The following PPM1L variants were observed in gnomAD, a reference collection of about 807,000 sequenced individuals.
PPM1L encodes protein phosphatase 1L.
PPM1L carries 13 observed loss-of-function variants against 31.4 expected under a neutral mutation model. The observed-to-expected ratio is 0.41, with a 90% confidence interval of 0.27 to 0.66. The LOEUF (loss-of-function observed/expected upper bound fraction) is 0.66. Ranked by LOEUF, PPM1L falls within the 30% of genes least tolerant of loss-of-function variation. PPM1L has a pLI of 0.29. For synonymous variants in PPM1L, 184 were observed against 175.4 expected, an observed-to-expected ratio of 1.05 and a Z score of -0.39; for missense variants, 326 against 453.7, an observed-to-expected ratio of 0.72 and a Z score of 2.56.
chr3:160,881,892 A>G (rs890200417), intron 1 of PPM1L, among the ~76,000 whole-genome samples: 1 of 152,154 alleles, frequency 6.6e-6, no homozygotes, highest in African/African-American at 2.4e-5. Flanking sequence ...TCTACTAAAA[A>G]TACAAAAAAT....
At chr3:160,967,603 C>T (rs1716198075) in intron 2 of PPM1L, among the ~76,000 whole-genome samples, 1 of 152,036 alleles carries the variant, frequency 6.6e-6, no homozygotes, top group African/African-American at 2.4e-5. Flanking sequence ...ATAATACCAT[C>T]ACCATGAGGA....
At chr3:161,000,584 T>C (rs187595266) in intron 2 of PPM1L, among the ~76,000 whole-genome samples, 130 of 152,332 alleles carry the variant, frequency 8.5e-4, no homozygotes, top group Non-Finnish European at 1.6e-3. Flanking sequence ...AAAAAAGTTA[T>C]TAGAGACCTT....
chr3:160,965,435 A>G (rs985888141), intron 2 of PPM1L, among the ~76,000 whole-genome samples: 12 of 152,142 alleles, frequency 7.9e-5, no homozygotes, highest in African/African-American at 2.4e-4. Flanking sequence ...CATTTTCAGT[A>G]TAGTATTCAC....
At chr3:161,000,019 T>C (rs190381494) in intron 2 of PPM1L, among the ~76,000 whole-genome samples, 360 of 152,338 alleles carry the variant, frequency 2.4e-3, no homozygotes, top group African/African-American at 8.4e-3. Context: ...GCTGGAATTG[T>C]CATGTTCACC....
intron 2 of PPM1L, among the ~76,000 whole-genome samples, chr3:161,050,129 C>A (rs894882888): frequency 2.0e-5 from 3 of 152,206 alleles, no homozygotes; most frequent in African/African-American, 2.4e-5. Flanking sequence ...GTTCCCTGTT[C>A]CTTCTGATAC....
rs1308927339 is a variant in PPM1L at position 160,790,521 on chromosome 3, TGGGG to T, written c.399+33816_399+33819del. On this transcript the variant is annotated intron_variant, in intron 1 of 3. Transcript: ENST00000498165. ...AGGGAGATGAACACCTTTTTTATAC[TGGGG>T]GCTCTACTAATAGAGAGAGTCATAT... Among the ~76,000 whole-genome samples, 5 of 152,000 alleles carry T rather than the reference TGGGG, an allele frequency of 3.3e-5. No individual in the cohort carries two copies. In the South Asian group the frequency reaches 1.0e-3, roughly 31 times the overall value.
At chr3:160,953,250 A>T (rs1715630408) in intron 1 of PPM1L, among the ~76,000 whole-genome samples, 1 of 152,296 alleles carries the variant, frequency 6.6e-6, no homozygotes. Context: ...TTGAGTATAG[A>T]GGCACTTTCT....
intron 1 of PPM1L, among the ~76,000 whole-genome samples, chr3:160,837,302 G>T (rs1213490312): frequency 6.6e-6 from 1 of 152,124 alleles, no homozygotes; most frequent in Non-Finnish European, 1.5e-5. Context: ...AATGGTAAGA[G>T]AAGGGAGTAA....
At chr3:160,833,193 A>C (rs1713573317) in intron 1 of PPM1L, among the ~76,000 whole-genome samples, 1 of 152,162 alleles carries the variant, frequency 6.6e-6, no homozygotes, top group Non-Finnish European at 1.5e-5. Context: ...CGTTGATTGC[A>C]TGTCTTTGCT....
intron 2 of PPM1L, among the ~76,000 whole-genome samples, chr3:160,989,080 A>T (rs1247692895): frequency 6.6e-6 from 1 of 152,228 alleles, no homozygotes; most frequent in Non-Finnish European, 1.5e-5. Context: ...AATAGAAACA[A>T]ATAAGACAAT....
At chr3:160,816,261 TTGTGTGTGTGTG>T (rs71147385) in intron 1 of PPM1L, among the ~76,000 whole-genome samples, 3 of 147,980 alleles carry the variant, frequency 2.0e-5, no homozygotes, top group South Asian at 2.1e-4. Flanking sequence ...GCAGTTTCAT[TTGTGTGTGTGTG>T]TGTGTGTGTG....
At chr3:160,899,230 C>G (rs1285629402) in intron 1 of PPM1L, among the ~76,000 whole-genome samples, 1 of 152,126 alleles carries the variant, frequency 6.6e-6, no homozygotes, top group Non-Finnish European at 1.5e-5. Context: ...AACCTATGCT[C>G]TTACGATTAG....
chr3:160,803,329 A>G (rs1206575286), intron 1 of PPM1L, among the ~76,000 whole-genome samples: 2 of 152,220 alleles, frequency 1.3e-5, no homozygotes, highest in African/African-American at 2.4e-5. Context: ...ATTTTCTCTG[A>G]ATAATAACCT....
intron 2 of PPM1L, among the ~76,000 whole-genome samples, chr3:161,015,373 A>G (rs2061580): frequency 0.22 from 33,479 of 152,084 alleles, 3,995 homozygotes; most frequent in South Asian, 0.3. Flanking sequence ...AAACAAAACA[A>G]TTTGTCAAAT....
chr3:161,025,218 G>A (rs1718344604), intron 2 of PPM1L, among the ~76,000 whole-genome samples: 1 of 152,004 alleles, frequency 6.6e-6, no homozygotes, highest in Admixed American at 6.6e-5. Context: ...CCTTTAAGAG[G>A]TGATTAGGCC....
chr3:160,936,882 A>C (rs1030812479), intron 1 of PPM1L, among the ~76,000 whole-genome samples: 18 of 152,202 alleles, frequency 1.2e-4, no homozygotes, highest in African/African-American at 4.1e-4. Context: ...TGATATAATA[A>C]TTCTAAAAGT....
chr3:160,909,329 A>G (rs1234749209), intron 1 of PPM1L, among the ~76,000 whole-genome samples: 2 of 152,136 alleles, frequency 1.3e-5, no homozygotes, highest in Non-Finnish European at 2.9e-5. Context: ...CTGATAATAG[A>G]CTTGGGGGTT....
At chr3:160,887,061 C>T (rs6774725) in intron 1 of PPM1L, among the ~76,000 whole-genome samples, 49,986 of 151,328 alleles carry the variant, frequency 0.33, 8,723 homozygotes, top group East Asian at 0.51. Context: ...CTTCGTGAAG[C>T]ATAGATAAGT....
In PPM1L at chr3:161,043,040, AT is replaced by A. The variant is rs1250328752; in HGVS notation, c.575-22349del. The stretch of plus-strand genomic sequence containing the variant: ...GTCTCAAAAAAAAAAAAAAATTGTT[AT>A]TTTTTTTTTTTTTCAAATCAGTGGT... On this transcript the variant is annotated intron_variant, in intron 2 of 3. Transcript: ENST00000498165. Among the ~76,000 whole-genome samples, 323 of 104,046 alleles carry A rather than the reference AT, an allele frequency of 3.1e-3. 2 individuals are homozygous for A. Among genetic ancestry groups the A allele is most frequent in the African/African-American group, 9.5e-3 (241 of 25,284 alleles). The allele number at this position is 104,046 out of a possible 152,430, so 68.3% of individuals were successfully genotyped here. A position where few individuals can be genotyped will look rare whatever the true frequency, so the allele number is the denominator to read the frequency against.
Sources: gnomAD v4.1 joint callset for allele counts (sites outside exome capture counted in the v4.1 genomes callset) on GRCh38, gnomAD v4.1.1 for gene constraint, MANE v1.5 for transcripts, NCBI Gene and HGNC (gene_info 2026-07-23, HGNC 2026-07-21) for gene names.